Variants in DENND1A observed in about 807,000 individuals in gnomAD.
DENND1A encodes DENN domain containing 1A.
Under a neutral mutation model 113.7 loss-of-function variants are expected in DENND1A, and 51 were observed. The observed-to-expected ratio is 0.45, with a 90% CI of 0.36 to 0.57. The LOEUF is 0.57. DENND1A is among the 20% of genes least tolerant of loss of function. The probability of loss-of-function intolerance (pLI) is 0.00; values close to 1 mark genes in which losing one functional copy is unlikely to be tolerated. For missense variants in DENND1A, 1,258 were observed against 1,395.9 expected, an observed-to-expected ratio of 0.90 and a Z score of 1.57; for synonymous variants, 565 against 570.8, an observed-to-expected ratio of 0.99 and a Z score of 0.14.
chr9:123,602,655 T>C lies in DENND1A; in HGVS notation c.765+6781A>G, dbSNP rs149470946. 2.5e-3 allele frequency among the ~76,000 whole-genome samples: 379 copies of C among 152,368 alleles called. 1 individual carries two copies. The highest frequency in any genetic ancestry group is 8.7e-3 in the African/African-American group (362 of 41,598). ...TGAAACTATCAGGTGAGATTTTTCA[T>C]GCAAATATCACTTTTTATTTCATTT... is the stretch of plus-strand genomic sequence containing the variant. On this transcript the variant is annotated intron_variant, in intron 11 of 23. Coordinates refer to ENST00000394215, the MANE Select transcript of DENND1A (RefSeq NM_001352964.2).
intron 19 of DENND1A, among the ~76,000 whole-genome samples, chr9:123,435,357 C>T (rs1431309316): frequency 1.3e-5 from 2 of 152,154 alleles, no homozygotes; most frequent in Non-Finnish European, 2.9e-5. Context: ...ATTCTCCATA[C>T]GCAGAGACAA....
chr9:123,543,538 T>C (rs1299746387), intron 13 of DENND1A, among the ~76,000 whole-genome samples: 1 of 152,200 alleles, frequency 6.6e-6, no homozygotes, highest in African/African-American at 2.4e-5. Context: ...CAGTCTCTTA[T>C]GGCCTGGAAA....
chr9:123,769,374 A>T (rs556215715), intron 4 of DENND1A, 140 bp downstream of exon 4: 51 of 691,042 alleles, frequency 7.4e-5, no homozygotes, highest in Non-Finnish European at 9.6e-5. Flanking sequence ...AGGAAGGGAG[A>T]ATATTGCAAC....
Position 123,442,558 on chromosome 9 carries a change from T to C in DENND1A, c.1357-2067A>G, listed in dbSNP as rs185969912. On this transcript the variant is annotated intron_variant, in intron 18 of 23. Coordinates refer to ENST00000394215, the MANE Select transcript of DENND1A (RefSeq NM_001352964.2). ...TGAACAAATTCACTTTTGGTTCAGGTAAAATTTTGTGCGTGGGTGTGTGTG... is the reference window on the plus strand; with the variant it reads ...TGAACAAATTCACTTTTGGTTCAGGCAAAATTTTGTGCGTGGGTGTGTGTG... Among the ~76,000 whole-genome samples the C allele has an allele frequency of 6.3e-3, 958 of 152,126 alleles. 39 individuals carry two copies. Among genetic ancestry groups the C allele is most frequent in the Admixed American group, 0.055 (833 of 15,276 alleles).
In DENND1A at chr9:123,380,872, T is replaced by A. The variant is rs1327998649; in HGVS notation, c.*560A>T. Reference sequence around the variant, plus strand: ...GAAGACACAGGAAAGAACGTGTGTGTATATTGCTAGAAACAGTCTGGAAGT... The same window carrying A: ...GAAGACACAGGAAAGAACGTGTGTGAATATTGCTAGAAACAGTCTGGAAGT... On this transcript the variant is annotated 3_prime_UTR_variant, in exon 24 of 24. Transcript: ENST00000394215. The A allele has an allele frequency of 6.4e-6, 1 of 156,138 alleles. No homozygotes were observed. 9.7% of individuals were successfully genotyped at this position (156,138 alleles called of 1,614,324 possible).
chr9:123,692,772 T>C (rs1402878892), intron 5 of DENND1A, among the ~76,000 whole-genome samples: 1 of 152,238 alleles, frequency 6.6e-6, no homozygotes, highest in Non-Finnish European at 1.5e-5. Flanking sequence ...TTATTATGAC[T>C]CTAAAATAGG....
intron 5 of DENND1A, among the ~76,000 whole-genome samples, chr9:123,755,567 T>C (rs2070467302): frequency 6.6e-6 from 1 of 151,718 alleles, no homozygotes; most frequent in Admixed American, 6.6e-5. Context: ...GGCCAATATG[T>C]GGATTTTTTA....
intron 19 of DENND1A, among the ~76,000 whole-genome samples, chr9:123,423,614 C>T (rs1459016621): frequency 1.3e-5 from 2 of 152,116 alleles, no homozygotes; most frequent in East Asian, 3.8e-4. Flanking sequence ...CTTGGCAGGC[C>T]CTCAAAGCTT....
chr9:123,913,638 G>T (rs1057183302), intron 1 of DENND1A, among the ~76,000 whole-genome samples: 2 of 152,206 alleles, frequency 1.3e-5, no homozygotes, highest in Admixed American at 6.5e-5. Context: ...GGGCATGGTG[G>T]CTCACGCCTG....
At chr9:123,867,168 A>T (rs1018000140) in intron 2 of DENND1A, among the ~76,000 whole-genome samples, 1 of 152,216 alleles carries the variant, frequency 6.6e-6, no homozygotes, top group African/African-American at 2.4e-5. Flanking sequence ...TTTTCAATGT[A>T]ACATAAAGAA....
chr9:123,768,853 G>GA (rs58592395), intron 4 of DENND1A, among the ~76,000 whole-genome samples: 204 of 130,684 alleles, frequency 1.6e-3, no homozygotes, highest in South Asian at 2.4e-3. Flanking sequence ...TCGTTAAAAA[G>GA]AAAAAAAAAA....
intron 13 of DENND1A, among the ~76,000 whole-genome samples, chr9:123,532,542 T>C (rs2055408201): frequency 6.6e-6 from 1 of 152,186 alleles, no homozygotes; most frequent in Non-Finnish European, 1.5e-5. Context: ...CAATCTGTCA[T>C]TGTTAGTGAA....
intron 1 of DENND1A, among the ~76,000 whole-genome samples, chr9:123,918,502 A>G (rs918430261): frequency 2.6e-5 from 4 of 151,786 alleles, no homozygotes; most frequent in South Asian, 2.1e-4. Context: ...AAAAAAAAAA[A>G]AAGAAGAAAT....
chr9:123,903,718 C>G (rs1206809472), intron 1 of DENND1A, among the ~76,000 whole-genome samples: 1 of 152,242 alleles, frequency 6.6e-6, no homozygotes, highest in Non-Finnish European at 1.5e-5. Context: ...CTCAGAGGGT[C>G]CTACACCCAC....
chr9:123,596,303 T>G (rs1264332891), intron 11 of DENND1A, among the ~76,000 whole-genome samples: 1 of 152,230 alleles, frequency 6.6e-6, no homozygotes, highest in Non-Finnish European at 1.5e-5. Context: ...CACTTTCCCC[T>G]TAAAATAACT....
chr9:123,382,142 C>T lies in DENND1A; in HGVS notation c.2503G>A (p.Ala835Thr). ...AGGGCGTCACTGCTCGTGCCTGCAG[C>T]CCCGGGGCCAGGGCTGAGCGGCTGG... ...LLQPLSPGPG[A>T]AGTSSDALLA... Residue 835 changes from alanine (A) to threonine (T), a missense_variant, in exon 24 of 24, where the codon GCT becomes ACT. Transcript: ENST00000394215. 6.3e-7 allele frequency: 1 copy of T among 1,597,742 alleles called. No homozygotes were observed. Among genetic ancestry groups the T allele is most frequent in the Non-Finnish European group, 8.5e-7 (1 of 1,173,068 alleles).
At chr9:123,605,193 C>T (rs2060101778) in intron 11 of DENND1A, among the ~76,000 whole-genome samples, 1 of 152,158 alleles carries the variant, frequency 6.6e-6, no homozygotes, top group South Asian at 2.1e-4. Flanking sequence ...TGTCACCTTT[C>T]CCTTCTCCTT....
intron 11 of DENND1A, among the ~76,000 whole-genome samples, chr9:123,590,583 C>A (rs2059410228): frequency 6.6e-6 from 1 of 152,118 alleles, no homozygotes; most frequent in Non-Finnish European, 1.5e-5. Flanking sequence ...TAGTGCCTGG[C>A]ACATGGGAAG....
intron 20 of DENND1A, among the ~76,000 whole-genome samples, chr9:123,407,268 C>T (rs1173568734): frequency 1.3e-5 from 2 of 152,108 alleles, no homozygotes; most frequent in Non-Finnish European, 2.9e-5. Flanking sequence ...GCTGCCGACC[C>T]ACCCAGAGTC....
Sources: allele counts gnomAD v4.1 joint callset (sites outside exome capture counted in the v4.1 genomes callset), GRCh38; gene constraint gnomAD v4.1.1; transcripts MANE v1.5; gene names NCBI Gene and HGNC (gene_info 2026-07-23, HGNC 2026-07-21).